Variants in MECOM observed in about 807,000 individuals in gnomAD.
MECOM encodes the protein MDS1 and EVI1 complex locus.
In MECOM, 13 loss-of-function variants were observed where a neutral mutation model predicts 116.3. That is an observed-to-expected ratio of 0.11 (90% CI 0.07 to 0.18). The LOEUF is 0.18. MECOM is among the 10% of genes least tolerant of loss of function. MECOM has a pLI of 1.00. For missense variants in MECOM, 1,299 were observed against 1,509.0 expected, an observed-to-expected ratio of 0.86 and a Z score of 2.31; for synonymous variants, 528 against 535.2, an observed-to-expected ratio of 0.99 and a Z score of 0.19.
intron 1 of MECOM, among the ~76,000 whole-genome samples, chr3:169,587,133 G>A (rs73174369): frequency 0.062 from 9,398 of 152,092 alleles, 366 homozygotes; most frequent in Non-Finnish European, 0.071. Context: ...CCTAATAAAA[G>A]GTGGGGTCAG....
intron 2 of MECOM, among the ~76,000 whole-genome samples, chr3:169,292,235 C>G (rs902498729): frequency 6.6e-6 from 1 of 151,914 alleles, no homozygotes; most frequent in Admixed American, 6.6e-5. Context: ...CCCAGCTACT[C>G]GGGCCAGAGA....
chr3:169,199,563 G>A (rs912854142), intron 2 of MECOM, among the ~76,000 whole-genome samples: 1 of 151,982 alleles, frequency 6.6e-6, no homozygotes, highest in East Asian at 1.9e-4. Context: ...ACAGGTGTGA[G>A]GCACAAAACC....
At chr3:169,108,125 T>C (rs1726067687) in intron 9 of MECOM, among the ~76,000 whole-genome samples, 173 bp from the exon 10 acceptor site, 1 of 152,178 alleles carries the variant, frequency 6.6e-6, no homozygotes, top group Non-Finnish European at 1.5e-5. Context: ...TATAACTCTG[T>C]TGAATTTCCT....
intron 12 of MECOM, among the ~76,000 whole-genome samples, chr3:169,100,151 T>G (rs1286555909): frequency 7.2e-6 from 1 of 139,468 alleles, no homozygotes; most frequent in African/African-American, 2.7e-5. Context: ...CAGGCTGGAG[T>G]GCAGTGGTGC....
chr3:169,655,754 G>A (rs1775467730), intron 1 of MECOM, among the ~76,000 whole-genome samples: 2 of 151,854 alleles, frequency 1.3e-5, no homozygotes, highest in Non-Finnish European at 2.9e-5. Flanking sequence ...CTTTTAAAAA[G>A]GAAACTGGAT....
At position 169,526,286 on chromosome 3, in the gene MECOM, A is replaced by C. The variant is rs140287562; in HGVS notation, c.37+137050T>G. The stretch of plus-strand genomic sequence containing the variant: ...TTCCTGGACAGTGCCATTTGTATTA[A>C]AAAGATCAGTTTTGGTCATTTGTAA... On this transcript the variant is annotated intron_variant, in intron 1 of 16. Transcript: ENST00000651503. Among the ~76,000 whole-genome samples, 774 of 152,310 alleles carry C rather than the reference A, an allele frequency of 5.1e-3. 6 individuals carry two copies. The highest frequency in any genetic ancestry group is 0.038 in the South Asian group (182 of 4,822).
intron 2 of MECOM, among the ~76,000 whole-genome samples, chr3:169,183,717 G>C (rs1746292405): frequency 6.8e-6 from 1 of 147,922 alleles, no homozygotes; most frequent in Non-Finnish European, 1.5e-5. Context: ...GCAATCTGGA[G>C]GTAGAAGCAA....
At chr3:169,653,559 C>A (rs1775177591) in intron 1 of MECOM, among the ~76,000 whole-genome samples, 1 of 152,030 alleles carries the variant, frequency 6.6e-6, no homozygotes, top group African/African-American at 2.4e-5. Flanking sequence ...GGTAGATTTA[C>A]AAACTATGGC....
At chr3:169,254,597 G>A (rs745713430) in intron 2 of MECOM, among the ~76,000 whole-genome samples, 3 of 152,016 alleles carry the variant, frequency 2.0e-5, no homozygotes, top group Admixed American at 6.6e-5. Context: ...AGGAATGCAC[G>A]TTGAATTATA....
chr3:169,621,987 T>C (rs1770791490), intron 1 of MECOM, among the ~76,000 whole-genome samples: 1 of 152,166 alleles, frequency 6.6e-6, no homozygotes, highest in Non-Finnish European at 1.5e-5. Flanking sequence ...AGATAAAACA[T>C]TGGCCATCAA....
intron 1 of MECOM, among the ~76,000 whole-genome samples, chr3:169,623,684 C>T (rs1771015022): frequency 6.6e-6 from 1 of 151,976 alleles, no homozygotes; most frequent in Non-Finnish European, 1.5e-5. Context: ...TTTATAAGTT[C>T]ATAAAGTTTA....
At chr3:169,145,708 T>C in intron 2 of MECOM, 1 of 221,908 alleles carries the variant, frequency 4.5e-6, no homozygotes, top group Non-Finnish European at 9.0e-6. Context: ...CCCCTTAGCT[T>C]TCAAGCATAC....
intron 2 of MECOM, among the ~76,000 whole-genome samples, chr3:169,251,631 T>A (rs1428753028): frequency 6.6e-6 from 1 of 152,148 alleles, no homozygotes; most frequent in Non-Finnish European, 1.5e-5. Flanking sequence ...AGGAGCCACA[T>A]CATATGTAAC....
chr3:169,521,808 T>C (rs768116328), intron 1 of MECOM, among the ~76,000 whole-genome samples: 1 of 152,184 alleles, frequency 6.6e-6, no homozygotes, highest in Non-Finnish European at 1.5e-5. Context: ...GGGTTCCATA[T>C]CTGTGGATTC....
At chr3:169,219,099 C>T (rs578252969) in intron 2 of MECOM, among the ~76,000 whole-genome samples, 8 of 152,180 alleles carry the variant, frequency 5.3e-5, no homozygotes, top group Middle Eastern at 3.4e-3. Context: ...CAGCAAACAT[C>T]GAAGTATCAC....
chr3:169,164,490 C>T (rs571163881), intron 2 of MECOM, among the ~76,000 whole-genome samples: 2 of 152,100 alleles, frequency 1.3e-5, no homozygotes, highest in South Asian at 2.1e-4. Context: ...AAGATACACG[C>T]GAAAAGGAAT....
rs1387264659 is a variant in MECOM at position 169,084,751 on chromosome 3, T to C, written c.*158A>G. The C allele has an allele frequency of 1.3e-6, 1 of 749,298 alleles. No individual in the cohort carries two copies. The allele number at this position is 749,298 out of a possible 1,614,324, so 46.4% of individuals were successfully genotyped here. A position where few individuals can be genotyped will look rare whatever the true frequency, so the allele number is the denominator to read the frequency against. On this transcript the variant is annotated 3_prime_UTR_variant, in exon 17 of 17. Transcript: ENST00000651503. ...GAATAAATAGTTTCTTTTTTCTTTCTTTTCTTTTTTAAATCATTCAGTTTA... is the reference window on the plus strand; with the variant it reads ...GAATAAATAGTTTCTTTTTTCTTTCCTTTCTTTTTTAAATCATTCAGTTTA...
chr3:169,433,633 GAGAAAGAGAAAGAAAGAAAGAA>G (rs1560268298), intron 1 of MECOM, among the ~76,000 whole-genome samples: 1 of 115,012 alleles, frequency 8.7e-6, no homozygotes, highest in East Asian at 2.2e-4. Context: ...AAGAAAGAAA[GAGAAAGAGAAAGAAAGAAAGAA>G]AGAAAGAAAG....
intron 1 of MECOM, among the ~76,000 whole-genome samples, chr3:169,615,256 T>G (rs944909437): frequency 6.6e-6 from 1 of 152,228 alleles, no homozygotes; most frequent in Non-Finnish European, 1.5e-5. Flanking sequence ...TATAAAGTTA[T>G]TAACACAAGA....
Sources: allele counts gnomAD v4.1 joint callset (sites outside exome capture counted in the v4.1 genomes callset), GRCh38; gene constraint gnomAD v4.1.1; transcripts MANE v1.5; gene names NCBI Gene and HGNC (gene_info 2026-07-23, HGNC 2026-07-21).